THAP5: variants seen among roughly 807,000 people sequenced by gnomAD.
The protein encoded by THAP5 is THAP domain containing 5.
Under a neutral mutation model 34.0 loss-of-function variants are expected in THAP5, and 26 were observed. The ratio of observed to expected loss-of-function variants is 0.77; its 90% CI spans 0.56 to 1.06. The LOEUF is 1.06. Ranked by LOEUF, THAP5 falls within the 50% of genes least tolerant of loss-of-function variation. The probability of loss-of-function intolerance (pLI) is 0.00; values close to 1 mark genes in which losing one functional copy is unlikely to be tolerated. For synonymous variants in THAP5, 125 were observed against 153.0 expected (o/e 0.82, Z 1.35); for missense variants, 394 against 452.8 (o/e 0.87, Z 1.18).
chr7:108,558,381 G>GTATATATATATATATATATATATA (rs66806128), downstream of THAP5, among the ~76,000 whole-genome samples: 29 of 93,826 alleles, frequency 3.1e-4, no homozygotes, highest in African/African-American at 7.3e-4. Context: ...GTGTGTGTAT[G>GTATATATATATATATATATATATA]TATATATATA....
downstream of THAP5, among the ~76,000 whole-genome samples, chr7:108,558,142 C>G (rs1864399587): frequency 1.3e-5 from 2 of 151,798 alleles, no homozygotes; most frequent in Non-Finnish European, 1.5e-5. Context: ...ACTAGACCCC[C>G]CTTCCTCCAA....
At chr7:108,566,732 A>G (rs975671820) in intron 1 of THAP5, among the ~76,000 whole-genome samples, 1 of 152,198 alleles carries the variant, frequency 6.6e-6, no homozygotes, top group African/African-American at 2.4e-5. Context: ...TATATGAAAC[A>G]AATCAAATAC....
chr7:108,556,992 A>G (rs1864391019), intron 1 of THAP5, among the ~76,000 whole-genome samples: 1 of 152,196 alleles, frequency 6.6e-6, no homozygotes, highest in African/African-American at 2.4e-5. Flanking sequence ...TCCCAACACC[A>G]CATGGAAGCT....
chr7:108,547,472 A>G, the THAP5 span, among the ~76,000 whole-genome samples: 6 of 152,194 alleles, frequency 3.9e-5, no homozygotes, highest in African/African-American at 1.4e-4. Context: ...ATTGCTTCTC[A>G]TTTTGAATTA....
chr7:108,544,281 CT>C, the THAP5 span, among the ~76,000 whole-genome samples: 958 of 152,160 alleles, frequency 6.3e-3, 9 homozygotes, highest in African/African-American at 0.019. Context: ...AATCCCAGCA[CT>C]TTGGGAGGCC....
At chr7:108,566,175 A>T (rs1490008531) in intron 1 of THAP5, among the ~76,000 whole-genome samples, 153 bp from the exon 2 acceptor site, 1 of 152,254 alleles carries the variant, frequency 6.6e-6, no homozygotes, top group Non-Finnish European at 1.5e-5. Flanking sequence ...GAGCATCTTC[A>T]TGACAACTAG....
the THAP5 span, among the ~76,000 whole-genome samples, chr7:108,548,377 A>AT: frequency 1.3e-5 from 2 of 152,236 alleles, no homozygotes; most frequent in South Asian, 4.1e-4. Flanking sequence ...TACTTTGGGG[A>AT]TAAAAAAACA....
downstream of THAP5, among the ~76,000 whole-genome samples, chr7:108,557,993 G>T (rs1377054987): frequency 6.6e-6 from 1 of 152,178 alleles, no homozygotes; most frequent in Non-Finnish European, 1.5e-5. Context: ...AAGGAAGCAA[G>T]CACCTTCTTC....
At chr7:108,567,136 A>G (rs560696477) in intron 1 of THAP5, among the ~76,000 whole-genome samples, 1 of 152,264 alleles carries the variant, frequency 6.6e-6, no homozygotes, top group East Asian at 1.9e-4. Context: ...TCTGTAAGAT[A>G]TAACTTTTAA....
chr7:108,564,659 A>C lies in THAP5; in HGVS notation c.720T>G (p.Asn240Lys). Residue 240 changes from asparagine (N) to lysine (K), a missense_variant, in exon 3 of 3, where the codon AAT becomes AAG. Asn to Lys is a moderately conservative substitution (Grantham distance 94, BLOSUM62 0). Coordinates refer to ENST00000415914, the MANE Select transcript of THAP5 (RefSeq NM_001130475.3). ...CCTGTGCTGACTTTATTTCCATGGA[A>C]TTACTTGTAAAGTTTGGATTAGCAA... The part of the protein sequence containing the change: ...SHLANPNFTS[N>K]SMEIKSAQEN... 2 of 1,613,874 alleles carry C rather than the reference A, an allele frequency of 1.2e-6. No homozygotes were observed. The highest frequency in any genetic ancestry group is 1.7e-6 in the Non-Finnish European group (2 of 1,179,814).
chr7:108,553,287 C>G (rs1203702731), downstream of THAP5, among the ~76,000 whole-genome samples: 2 of 152,076 alleles, frequency 1.3e-5, no homozygotes, highest in Admixed American at 1.3e-4. Flanking sequence ...AAGTGATCCT[C>G]TTGCCTTGGC....
downstream of THAP5, among the ~76,000 whole-genome samples, chr7:108,551,870 G>GA (rs1226608765): frequency 2.6e-4 from 40 of 152,194 alleles, no homozygotes; most frequent in African/African-American, 9.6e-4. Flanking sequence ...TGAGTGTTGA[G>GA]AATCACTGTT....
downstream of THAP5, among the ~76,000 whole-genome samples, chr7:108,559,088 T>C (rs144691928): frequency 1.7e-3 from 253 of 152,316 alleles, no homozygotes; most frequent in Admixed American, 4.8e-3. Flanking sequence ...TGTATCACAA[T>C]GCTTAAAGGG....
the THAP5 span, among the ~76,000 whole-genome samples, chr7:108,547,635 C>T: frequency 2.1e-4 from 32 of 152,132 alleles, no homozygotes; most frequent in African/African-American, 7.7e-4. Flanking sequence ...AGGCAGTATT[C>T]GTCTAAGATT....
In THAP5 at chr7:108,564,358, G is replaced by C. The variant is rs1790434412; in HGVS notation, c.1021C>G (p.Leu341Val). 1 of 1,613,630 alleles carries C rather than the reference G, an allele frequency of 6.2e-7. No individual in the cohort carries two copies. Among genetic ancestry groups the C allele is most frequent in the South Asian group, 1.1e-5 (1 of 91,062 alleles). Residue 341 changes from leucine to valine, a missense_variant, in exon 3 of 3, where the codon CTA (leucine) becomes GTA (valine). Leu to Val is a conservative substitution (Grantham distance 32). Transcript: ENST00000415914. ...KEHLWQKVSK[L>V]HSKITLLELK... Reference sequence around the variant, plus strand: ...TCTAGAAGAGTTATCTTTGAATGTAGCTTAGAGACTTTCTGCCAAAGATGT... The same window carrying C: ...TCTAGAAGAGTTATCTTTGAATGTACCTTAGAGACTTTCTGCCAAAGATGT...
chr7:108,565,055 C>T lies in THAP5; in HGVS notation c.324G>A (p.Glu108=). Residue 108 remains glutamate, a synonymous_variant, in exon 3 of 3, where the codon GAG becomes GAA. Coordinates refer to ENST00000415914, the MANE Select transcript of THAP5 (RefSeq NM_001130475.3). ...ACTTGGCTTTTGGGCATACTTCTTT[C>T]TCATCTTCCAAGTTTTTCTTCTGGG... ...KKSQKKNLED[E]KEVCPKAKSE... The T allele has an allele frequency of 6.5e-7, 1 of 1,533,016 alleles. No homozygotes were observed. The highest frequency in any genetic ancestry group is 1.3e-5 in the South Asian group (1 of 79,630). The allele number at this position is 1,533,016 out of a possible 1,614,324, so 95.0% of individuals were successfully genotyped here. A position where few individuals can be genotyped will look rare whatever the true frequency, so the allele number is the denominator to read the frequency against.
At chr7:108,568,632 T>A (rs1197154672) in intron 1 of THAP5, 1 of 154,712 alleles carries the variant, frequency 6.5e-6, no homozygotes, top group Non-Finnish European at 1.5e-5. Flanking sequence ...AGGTTAGATC[T>A]AAATGAATTG....
chr7:108,547,048 T>C, the THAP5 span, among the ~76,000 whole-genome samples: 8 of 152,212 alleles, frequency 5.3e-5, no homozygotes, highest in Admixed American at 5.2e-4. Flanking sequence ...CACCAAGTTT[T>C]AACAAGGCAA....
At chr7:108,553,941 T>C (rs1444434186), downstream of THAP5, among the ~76,000 whole-genome samples, 2 of 152,196 alleles carry the variant, frequency 1.3e-5, no homozygotes, top group Non-Finnish European at 2.9e-5. Flanking sequence ...TGACATATAC[T>C]ATATTTTGAA....
Sources: gnomAD v4.1 joint callset for allele counts (sites outside exome capture counted in the v4.1 genomes callset) on GRCh38, gnomAD v4.1.1 for gene constraint, MANE v1.5 for transcripts, NCBI Gene and HGNC (gene_info 2026-07-23, HGNC 2026-07-21) for gene names.